The following HAPSTR1 variants were observed in gnomAD, a reference collection of about 807,000 sequenced individuals.
HAPSTR1 encodes HUWE1 associated protein modifying stress responses.
At chr16:9,112,393 T>C in the HAPSTR1 span, 1 of 152,274 alleles carries the variant, frequency 6.6e-6, no homozygotes, top group Non-Finnish European at 1.5e-5. Flanking sequence ...GGAGATACAC[T>C]GGTGGAACAA....
At chr16:9,099,082 A>AGAT in the HAPSTR1 span, among the ~76,000 whole-genome samples, 2 of 151,914 alleles carry the variant, frequency 1.3e-5, no homozygotes, top group African/African-American at 4.8e-5. Flanking sequence ...TGGTGGGAGA[A>AGAT]TTTGTCTTCT....
chr16:9,110,327 A>G, the HAPSTR1 span: 2 of 152,192 alleles, frequency 1.3e-5, no homozygotes, highest in Admixed American at 1.3e-4. Flanking sequence ...AAGGTTGGAT[A>G]GGAATGTTTT....
the HAPSTR1 span, chr16:9,105,184 C>G: frequency 1.3e-5 from 2 of 152,170 alleles, no homozygotes; most frequent in South Asian, 2.1e-4. Flanking sequence ...AGCAATGATA[C>G]AGTTGAAGGG....
chr16:9,097,610 G>C, the HAPSTR1 span, among the ~76,000 whole-genome samples: 1 of 152,210 alleles, frequency 6.6e-6, no homozygotes, highest in Admixed American at 6.5e-5. Flanking sequence ...GGCTTTAGCT[G>C]TATGGCCATG....
chr16:9,101,526 TTTTC>T, the HAPSTR1 span, among the ~76,000 whole-genome samples: 5 of 152,228 alleles, frequency 3.3e-5, no homozygotes, highest in Non-Finnish European at 7.3e-5. Context: ...TTAAAGTATT[TTTTC>T]TTTCTTTTTA....
the HAPSTR1 span, chr16:9,112,908 A>G: frequency 1.3e-5 from 2 of 152,042 alleles, no homozygotes; most frequent in African/African-American, 4.8e-5. Context: ...TAATCATGCT[A>G]CTTGTTCTGC....
chr16:9,099,403 C>T, the HAPSTR1 span, among the ~76,000 whole-genome samples: 15 of 152,058 alleles, frequency 9.9e-5, no homozygotes, highest in African/African-American at 2.2e-4. Flanking sequence ...ATGTTGGCCA[C>T]GCTGATCTCG....
the HAPSTR1 span, chr16:9,112,691 G>T: frequency 6.6e-6 from 1 of 152,236 alleles, no homozygotes; most frequent in African/African-American, 2.4e-5. Flanking sequence ...AACTTGGTAT[G>T]AAAATAATAG....
At chr16:9,095,638 G>A in the HAPSTR1 span, among the ~76,000 whole-genome samples, 1 of 151,866 alleles carries the variant, frequency 6.6e-6, no homozygotes, top group Non-Finnish European at 1.5e-5. Flanking sequence ...AAGAAGGTCA[G>A]GATTGAGATT....
the HAPSTR1 span, chr16:9,092,326 C>A: frequency 7.5e-7 from 1 of 1,338,356 alleles, no homozygotes; most frequent in Non-Finnish European, 9.6e-7. Flanking sequence ...CGGGCCCGGC[C>A]CCGGCCCTAT....
chr16:9,092,194 G>T, the HAPSTR1 span: 1 of 1,583,998 alleles, frequency 6.3e-7, no homozygotes, highest in South Asian at 1.1e-5. Flanking sequence ...CGGCCGCCGC[G>T]CAGCCCGAGC....
At chr16:9,109,468 T>C in the HAPSTR1 span, 1 of 152,248 alleles carries the variant, frequency 6.6e-6, no homozygotes, top group East Asian at 1.9e-4. Flanking sequence ...GACTGTTCCA[T>C]AAAAGTCAGA....
At chr16:9,093,021 A>G in the HAPSTR1 span, 4 of 1,600,620 alleles carry the variant, frequency 2.5e-6, no homozygotes, top group Non-Finnish European at 3.4e-6. Context: ...ACCTTGCTGC[A>G]TTGCCGATTC....
the HAPSTR1 span, among the ~76,000 whole-genome samples, chr16:9,100,204 G>A: frequency 3.9e-5 from 6 of 152,124 alleles, no homozygotes; most frequent in South Asian, 1.0e-3. Flanking sequence ...GAATTTTTGA[G>A]GTGAAATAAT....
At chr16:9,120,560 A>AG in the HAPSTR1 span, 1 of 145,294 alleles carries the variant, frequency 6.9e-6, no homozygotes, top group African/African-American at 2.5e-5. Context: ...ATGGCCCCTC[A>AG]TTTTTTTTTT....
At chr16:9,120,355 G>A in the HAPSTR1 span, 3 of 152,260 alleles carry the variant, frequency 2.0e-5, no homozygotes, top group Non-Finnish European at 4.4e-5. Flanking sequence ...TATTTGAGGT[G>A]TGTGATGTTT....
the HAPSTR1 span, chr16:9,105,900 C>T: frequency 1.3e-5 from 2 of 152,052 alleles, no homozygotes; most frequent in Non-Finnish European, 2.9e-5. Context: ...GACAGTTTTC[C>T]CTCAGTTTTT....
At chr16:9,095,854 TC>T in the HAPSTR1 span, among the ~76,000 whole-genome samples, 1 of 151,228 alleles carries the variant, frequency 6.6e-6, no homozygotes, top group Non-Finnish European at 1.5e-5. Flanking sequence ...TCTTCCCCTT[TC>T]CAAAAAAGGA....
At chr16:9,100,564 T>TA in the HAPSTR1 span, among the ~76,000 whole-genome samples, 1 of 152,132 alleles carries the variant, frequency 6.6e-6, no homozygotes, top group African/African-American at 2.4e-5. Flanking sequence ...GAGAGAGTCT[T>TA]ACTCTTTCGC....
Sources: gnomAD v4.1 joint callset for allele counts (sites outside exome capture counted in the v4.1 genomes callset) on GRCh38, gnomAD v4.1.1 for gene constraint, MANE v1.5 for transcripts, NCBI Gene and HGNC (gene_info 2026-07-23, HGNC 2026-07-21) for gene names.